The following B3GALT1 variants were observed in gnomAD, a reference collection of about 807,000 sequenced individuals.
B3GALT1 encodes the protein beta-1,3-galactosyltransferase 1.
A neutral mutation model predicts 23.2 loss-of-function variants in B3GALT1; 10 were observed. The observed-to-expected ratio is 0.43, with a 90% confidence interval of 0.27 to 0.73. The LOEUF (loss-of-function observed/expected upper bound fraction) is 0.73, where lower values mean the gene tolerates loss of function less well. Among genes scored for constraint, B3GALT1 ranks in the 30% least tolerant of loss-of-function variants. The pLI is 0.21. For missense variants in B3GALT1, 299 were observed against 405.4 expected (o/e 0.74, Z 2.25); for synonymous variants, 156 against 141.5 (o/e 1.10, Z -0.73).
intron 3 of B3GALT1, among the ~76,000 whole-genome samples, chr2:167,806,391 A>C (rs1688754034): frequency 1.3e-5 from 2 of 152,236 alleles, no homozygotes; most frequent in African/African-American, 4.8e-5. Flanking sequence ...GAGAGAGGGC[A>C]TCCCTGCCTT....
intron 1 of B3GALT1, among the ~76,000 whole-genome samples, chr2:167,378,759 G>A (rs1243538241): frequency 6.6e-6 from 1 of 152,034 alleles, no homozygotes; most frequent in Non-Finnish European, 1.5e-5. Flanking sequence ...TTTCAACCTT[G>A]TCTTGGATGT....
chr2:167,363,772 C>CT lies in B3GALT1; in HGVS notation c.-511+70439dup, dbSNP rs1378841987. Among the ~76,000 whole-genome samples the CT allele has an allele frequency of 7.2e-5, 11 of 152,258 alleles. 1 individual carries two copies. In the South Asian group the frequency reaches 2.3e-3, roughly 32 times the overall value. On this transcript the variant is annotated intron_variant, in intron 1 of 4. Coordinates refer to ENST00000392690, the MANE Select transcript of B3GALT1 (RefSeq NM_020981.4). ...GTTTTTGAGGGCAGAATTTCCATCT[C>CT]TGATTCCCAACATCTTAGTAAGTAG...
chr2:167,430,886 G>A (rs979212459), intron 1 of B3GALT1, among the ~76,000 whole-genome samples: 1 of 152,208 alleles, frequency 6.6e-6, no homozygotes, highest in African/African-American at 2.4e-5. Context: ...AGAGAATGCA[G>A]TATACATGTG....
chr2:167,759,152 T>C (rs13412874), intron 3 of B3GALT1, among the ~76,000 whole-genome samples: 34,097 of 152,098 alleles, frequency 0.22, 4,354 homozygotes, highest in African/African-American at 0.35. Flanking sequence ...AAACACTGAC[T>C]CCGTTCTCGA....
chr2:167,658,866 C>A (rs1021676019), intron 3 of B3GALT1, among the ~76,000 whole-genome samples: 2 of 151,938 alleles, frequency 1.3e-5, no homozygotes, highest in Non-Finnish European at 2.9e-5. Context: ...TAATCAAGGC[C>A]ATGTAGATTT....
intron 4 of B3GALT1, among the ~76,000 whole-genome samples, chr2:167,864,990 A>C (rs1407839394): frequency 1.3e-5 from 2 of 152,028 alleles, no homozygotes; most frequent in Admixed American, 1.3e-4. Context: ...GTGTTTATAA[A>C]CTTTTTTCAT....
chr2:167,761,396 G>A (rs994217145), intron 3 of B3GALT1, among the ~76,000 whole-genome samples: 7 of 152,160 alleles, frequency 4.6e-5, no homozygotes, highest in African/African-American at 1.4e-4. Context: ...GGTTGGGCAC[G>A]TGTTCCTAGG....
chr2:167,307,809 T>TCC (rs1696572825), intron 1 of B3GALT1, among the ~76,000 whole-genome samples: 1 of 151,830 alleles, frequency 6.6e-6, no homozygotes, highest in Non-Finnish European at 1.5e-5. Context: ...TCCTCTAAAT[T>TCC]CCCCACTCGT....
chr2:167,727,239 CA>C (rs1332108214), intron 3 of B3GALT1, among the ~76,000 whole-genome samples: 12 of 152,268 alleles, frequency 7.9e-5, no homozygotes, highest in African/African-American at 2.6e-4. Context: ...CTTTTGTTCA[CA>C]CTCTTATAGC....
At chr2:167,833,134 C>T (rs1233000621) in intron 4 of B3GALT1, among the ~76,000 whole-genome samples, 1 of 152,174 alleles carries the variant, frequency 6.6e-6, no homozygotes, top group African/African-American at 2.4e-5. Flanking sequence ...TGATCAACAC[C>T]TTAGATAACA....
intron 4 of B3GALT1, among the ~76,000 whole-genome samples, chr2:167,866,058 T>C (rs1334468691): frequency 6.6e-6 from 1 of 152,182 alleles, no homozygotes; most frequent in African/African-American, 2.4e-5. Context: ...TTTATGCCCT[T>C]GCATATGCTG....
At chr2:167,779,331 C>T (rs530724050) in intron 3 of B3GALT1, among the ~76,000 whole-genome samples, 50 of 152,220 alleles carry the variant, frequency 3.3e-4, no homozygotes, top group Non-Finnish European at 5.9e-4. Context: ...TAATGATCTG[C>T]ATGATTAGAA....
chr2:167,566,518 G>T (rs1420751414), intron 2 of B3GALT1, among the ~76,000 whole-genome samples: 2 of 148,506 alleles, frequency 1.3e-5, no homozygotes, highest in East Asian at 2.1e-4. Flanking sequence ...AATAATAAAA[G>T]AATAAAAAGA....
chr2:167,293,572 A>G (rs1048534765), intron 1 of B3GALT1, among the ~76,000 whole-genome samples: 7 of 151,980 alleles, frequency 4.6e-5, no homozygotes, highest in Non-Finnish European at 8.8e-5. Flanking sequence ...GTGGATGTGG[A>G]TGCGTGTGTG....
chr2:167,727,423 T>C (rs1161732775), intron 3 of B3GALT1, among the ~76,000 whole-genome samples: 1 of 152,156 alleles, frequency 6.6e-6, no homozygotes, highest in Admixed American at 6.5e-5. Flanking sequence ...GCTCCTAGGA[T>C]TAGAAAGAAA....
At chr2:167,434,484 A>G (rs1207842288) in intron 1 of B3GALT1, among the ~76,000 whole-genome samples, 1 of 148,534 alleles carries the variant, frequency 6.7e-6, no homozygotes, top group African/African-American at 2.5e-5. Flanking sequence ...TTTCATTCAT[A>G]ATTACTTCAA....
At chr2:167,701,366 A>C (rs563722636) in intron 3 of B3GALT1, among the ~76,000 whole-genome samples, 1 of 152,230 alleles carries the variant, frequency 6.6e-6, no homozygotes, top group South Asian at 2.1e-4. Context: ...GACTAGCTGA[A>C]GATTTCCAGT....
At chr2:167,374,262 CACT>C (rs1202671132) in intron 1 of B3GALT1, among the ~76,000 whole-genome samples, 1 of 152,174 alleles carries the variant, frequency 6.6e-6, no homozygotes, top group African/African-American at 2.4e-5. Flanking sequence ...TCCAGTCCAC[CACT>C]GATGGACACC....
chr2:167,755,316 G>A (rs927002493), intron 3 of B3GALT1, among the ~76,000 whole-genome samples: 1 of 151,792 alleles, frequency 6.6e-6, no homozygotes, highest in Non-Finnish European at 1.5e-5. Context: ...TTCTTTCCTG[G>A]ATTCAAGGAG....
Sources: allele counts gnomAD v4.1 joint callset (sites outside exome capture counted in the v4.1 genomes callset), GRCh38; gene constraint gnomAD v4.1.1; transcripts MANE v1.5; gene names NCBI Gene and HGNC (gene_info 2026-07-23, HGNC 2026-07-21).